AP3S1: variants seen among roughly 807,000 people sequenced by gnomAD.
AP3S1 encodes adaptor related protein complex 3 subunit sigma 1.
Under a neutral mutation model 21.3 loss-of-function variants are expected in AP3S1, and 12 were observed. The ratio of observed to expected loss-of-function variants is 0.56; its 90% CI spans 0.36 to 0.91. The LOEUF is 0.91. AP3S1 is among the 40% of genes least tolerant of loss of function. The probability of loss-of-function intolerance (pLI) is 0.01; values close to 1 mark genes in which losing one functional copy is unlikely to be tolerated. For synonymous variants in AP3S1, 48 were observed against 78.4 expected (o/e 0.61, Z 2.05); for missense variants, 116 against 225.0 (o/e 0.52, Z 3.10).
At chr5:115,913,011 A>G (rs866625498) in intron 5 of AP3S1, among the ~76,000 whole-genome samples, 6 of 152,176 alleles carry the variant, frequency 3.9e-5, no homozygotes, top group African/African-American at 1.2e-4. Context: ...GAGATATTTA[A>G]TAAGGAAACT....
chr5:115,887,698 A>G (rs1410979493), intron 3 of AP3S1, among the ~76,000 whole-genome samples: 1 of 152,126 alleles, frequency 6.6e-6, no homozygotes, highest in Non-Finnish European at 1.5e-5. Flanking sequence ...ATGCCCAGAT[A>G]AGAAACTGAG....
rs142112410 is a variant in AP3S1, at chr5:115,857,622, C to G, written c.70-9048C>G. Among the ~76,000 whole-genome samples the G allele has an allele frequency of 1.7e-3, 265 of 152,282 alleles. 3 individuals are homozygous for G. Among genetic ancestry groups the G allele is most frequent in the African/African-American group, 5.9e-3 (245 of 41,556 alleles). Reference sequence around the variant, plus strand: ...ATGAAAAATAACATTTCATTTCTCCCTTTCCACAAGTAACTATTTTTAGCT... The same window carrying G: ...ATGAAAAATAACATTTCATTTCTCCGTTTCCACAAGTAACTATTTTTAGCT... On this transcript the variant is annotated intron_variant, in intron 1 of 5. Coordinates refer to ENST00000316788, the MANE Select transcript of AP3S1 (RefSeq NM_001284.4).
At chr5:115,885,165 A>G (rs1749672467) in intron 3 of AP3S1, among the ~76,000 whole-genome samples, 2 of 152,182 alleles carry the variant, frequency 1.3e-5, no homozygotes, top group Non-Finnish European at 2.9e-5. Context: ...TTCCATTTGT[A>G]TTAGTCAGTG....
chr5:115,888,916 A>G (rs552905051), intron 3 of AP3S1, among the ~76,000 whole-genome samples: 179 of 152,280 alleles, frequency 1.2e-3, no homozygotes, highest in Non-Finnish European at 1.5e-3. Flanking sequence ...TAATCCAGAA[A>G]AGTAAGTAGT....
At chr5:115,910,253 G>C (rs1045941352) in intron 5 of AP3S1, among the ~76,000 whole-genome samples, 3 of 143,022 alleles carry the variant, frequency 2.1e-5, no homozygotes, top group Non-Finnish European at 3.0e-5. Context: ...GACAGAGTGA[G>C]ACCCTGTCTC....
intron 3 of AP3S1, among the ~76,000 whole-genome samples, chr5:115,887,924 A>G (rs777791836): frequency 1.3e-5 from 2 of 152,168 alleles, no homozygotes; most frequent in African/African-American, 2.4e-5. Flanking sequence ...CTAGAATAGC[A>G]TGGGAAAGGA....
chr5:115,851,104 A>C (rs1193059514), intron 1 of AP3S1, among the ~76,000 whole-genome samples: 1 of 152,188 alleles, frequency 6.6e-6, no homozygotes, highest in East Asian at 1.9e-4. Flanking sequence ...TCATAGCTCA[A>C]AGGAGAGAAG....
At chr5:115,844,283 C>G (rs992739607) in intron 1 of AP3S1, among the ~76,000 whole-genome samples, 2 of 152,006 alleles carry the variant, frequency 1.3e-5, no homozygotes, top group East Asian at 3.8e-4. Context: ...AGATAACTTT[C>G]GCTCTTGTGT....
chr5:115,855,917 C>T (rs1286673984), intron 1 of AP3S1, among the ~76,000 whole-genome samples: 1 of 151,874 alleles, frequency 6.6e-6, no homozygotes, highest in Non-Finnish European at 1.5e-5. Context: ...TTAAAGTTGC[C>T]TGTGTGATAT....
intron 1 of AP3S1, among the ~76,000 whole-genome samples, chr5:115,854,225 T>C (rs1303869499): frequency 6.6e-6 from 1 of 152,168 alleles, no homozygotes; most frequent in African/African-American, 2.4e-5. Context: ...CACTGTTGCG[T>C]TGGAGATTAA....
At chr5:115,856,199 G>A (rs1762786891) in intron 1 of AP3S1, among the ~76,000 whole-genome samples, 1 of 152,096 alleles carries the variant, frequency 6.6e-6, no homozygotes, top group African/African-American at 2.4e-5. Flanking sequence ...CTTAATGAAA[G>A]CTGCTAAGTT....
rs773895194 is a variant in AP3S1 at position 115,870,145 on chromosome 5, T to G, written c.273+17T>G. 10 of 1,181,758 alleles carry G rather than the reference T, an allele frequency of 8.5e-6. No individual in the cohort carries two copies. The highest frequency in any genetic ancestry group is 1.2e-5 in the Non-Finnish European group (10 of 804,686). 73.2% of individuals were successfully genotyped at this position (1,181,758 alleles called of 1,614,324 possible). A position where few individuals can be genotyped will look rare whatever the true frequency, so the allele number is the denominator to read the frequency against. ...CTAATTCAAGTAAGTTAACACTTGC[T>G]TCTTACTATCTTAAATAACAGTTTG... On this transcript the variant is annotated intron_variant, in intron 3 of 5. Coordinates refer to ENST00000316788, the MANE Select transcript of AP3S1 (RefSeq NM_001284.4).
intron 4 of AP3S1, among the ~76,000 whole-genome samples, chr5:115,896,907 ACT>A (rs1296949910): frequency 2.3e-4 from 35 of 151,972 alleles, no homozygotes; most frequent in Admixed American, 3.9e-4. Flanking sequence ...AAAATTGAGG[ACT>A]CTCTTGTGAA....
chr5:115,865,310 G>C (rs957869743), intron 1 of AP3S1, among the ~76,000 whole-genome samples: 3 of 152,064 alleles, frequency 2.0e-5, no homozygotes, highest in African/African-American at 4.8e-5. Context: ...TTTAAGAATT[G>C]TTAAGAGAAA....
intron 1 of AP3S1, among the ~76,000 whole-genome samples, chr5:115,854,452 C>A (rs1438734446): frequency 1.3e-5 from 2 of 151,996 alleles, no homozygotes; most frequent in South Asian, 2.1e-4. Context: ...TTGTAGGTGC[C>A]CCAGTCTCTT....
rs1168340208 is a variant in AP3S1 at position 115,906,964 on chromosome 5, TA to T, written c.453+3975del. 2.9e-6 allele frequency: 4 copies of T among 1,370,550 alleles called. No individual in the cohort carries two copies. In the African/African-American group the frequency reaches 4.4e-5, roughly 15 times the overall value. The allele number at this position is 1,370,550 out of a possible 1,614,324, so 84.9% of individuals were successfully genotyped here. ...CAGACTCAAAAATTCTTTGTGTTAA[TA>T]AACCCATATAGTCCCTGTAGCCTAT... On this transcript the variant is annotated intron_variant, in intron 5 of 5. Transcript: ENST00000316788.
intron 1 of AP3S1, among the ~76,000 whole-genome samples, chr5:115,862,729 G>T (rs1763295936): frequency 6.6e-6 from 1 of 152,162 alleles, no homozygotes; most frequent in Non-Finnish European, 1.5e-5. Flanking sequence ...AGTAAAAAGT[G>T]CTTTCTCCCA....
At chr5:115,846,170 T>TA (rs1384131341) in intron 1 of AP3S1, among the ~76,000 whole-genome samples, 1 of 152,200 alleles carries the variant, frequency 6.6e-6, no homozygotes, top group African/African-American at 2.4e-5. Flanking sequence ...GAATTACTTT[T>TA]AAAAAATTTT....
intron 1 of AP3S1, among the ~76,000 whole-genome samples, chr5:115,856,683 A>G (rs1364137560): frequency 1.3e-5 from 2 of 152,210 alleles, no homozygotes; most frequent in African/African-American, 4.8e-5. Context: ...TTTGTAGCCC[A>G]GGCTGGTATG....
Sources: allele counts gnomAD v4.1 joint callset (sites outside exome capture counted in the v4.1 genomes callset), GRCh38; gene constraint gnomAD v4.1.1; transcripts MANE v1.5; gene names NCBI Gene and HGNC (gene_info 2026-07-23, HGNC 2026-07-21).